The following ATRNL1 variants were observed in gnomAD, a reference collection of about 807,000 sequenced individuals.
ATRNL1 encodes the protein attractin-like protein 1.
In ATRNL1, 95 loss-of-function variants were observed where a neutral mutation model predicts 182.7. That is an observed-to-expected ratio of 0.52 (90% CI 0.44 to 0.62). The LOEUF (loss-of-function observed/expected upper bound fraction) is 0.62. Ranked by LOEUF, ATRNL1 falls within the 20% of genes least tolerant of loss-of-function variation. The pLI is 0.00. For missense variants in ATRNL1, 1,471 were observed against 1,679.5 expected, an observed-to-expected ratio of 0.88 and a Z score of 2.17; for synonymous variants, 576 against 568.3, an observed-to-expected ratio of 1.01 and a Z score of -0.19.
chr10:115,352,679 C>T (rs1462767914), intron 19 of ATRNL1, among the ~76,000 whole-genome samples: 2 of 152,110 alleles, frequency 1.3e-5, no homozygotes, highest in Non-Finnish European at 2.9e-5. Flanking sequence ...AGCTGGATCA[C>T]CTGAGGTTGG....
At chr10:115,196,450 A>T (rs1465818613) in intron 8 of ATRNL1, among the ~76,000 whole-genome samples, 1 of 152,088 alleles carries the variant, frequency 6.6e-6, no homozygotes, top group Admixed American at 6.6e-5. Context: ...TTTAGAATCA[A>T]CTTGTCAATT....
chr10:115,488,984 C>T (rs1219176161), intron 24 of ATRNL1, among the ~76,000 whole-genome samples: 3 of 151,946 alleles, frequency 2.0e-5, no homozygotes, highest in Non-Finnish European at 4.4e-5. Flanking sequence ...TGTCATTTAC[C>T]CAGTAGTCAT....
At chr10:115,679,764 C>A (rs1289860429) in intron 26 of ATRNL1, among the ~76,000 whole-genome samples, 1 of 152,088 alleles carries the variant, frequency 6.6e-6, no homozygotes, top group Non-Finnish European at 1.5e-5. Context: ...AGCTATATTT[C>A]TTACTGTTTA....
rs1361045267 is a variant in ATRNL1, at chr10:115,947,554, G to A, written c.*2775G>A. The A allele has an allele frequency of 1.3e-5, 2 of 152,496 alleles. No individual in the cohort carries two copies. Among genetic ancestry groups the A allele is most frequent in the Non-Finnish European group, 2.9e-5 (2 of 68,034 alleles). 9.4% of individuals were successfully genotyped at this position (152,496 alleles called of 1,614,324 possible). A position where few individuals can be genotyped will look rare whatever the true frequency, so the allele number is the denominator to read the frequency against. On this transcript the variant is annotated 3_prime_UTR_variant, in exon 29 of 29. Transcript: ENST00000355044. ...CAGCTAATAAATTTTAAGAGGATTA[G>A]GATTCTCATAATTCTTTAAATGAAA...
intron 9 of ATRNL1, 122 bp from the exon 10 acceptor site, chr10:115,241,449 G>C (rs970449924): frequency 8.2e-5 from 43 of 523,512 alleles, no homozygotes; most frequent in Non-Finnish European, 1.3e-4. Context: ...TAAAAAATAT[G>C]TTTTTTTCCC....
At chr10:115,240,197 G>C (rs781991855) in intron 9 of ATRNL1, among the ~76,000 whole-genome samples, 6 of 151,550 alleles carry the variant, frequency 4.0e-5, no homozygotes, top group Non-Finnish European at 7.4e-5. Flanking sequence ...TTCCTAGTGG[G>C]AGTGTTTGTG....
At chr10:115,324,751 T>C (rs1312587691) in intron 18 of ATRNL1, among the ~76,000 whole-genome samples, 1 of 152,240 alleles carries the variant, frequency 6.6e-6, no homozygotes, top group Non-Finnish European at 1.5e-5. Context: ...GATCATTTTA[T>C]GAACATGGTT....
chr10:115,901,269 CAATT>C (rs1354765771), intron 28 of ATRNL1, among the ~76,000 whole-genome samples: 1 of 151,966 alleles, frequency 6.6e-6, no homozygotes, highest in Non-Finnish European at 1.5e-5. Context: ...AAATATGTCT[CAATT>C]GATAAAATAT....
intron 25 of ATRNL1, among the ~76,000 whole-genome samples, chr10:115,533,932 C>A (rs1554989287): frequency 6.8e-6 from 1 of 148,016 alleles, no homozygotes; most frequent in Admixed American, 6.7e-5. Context: ...GTTTCTTAAT[C>A]CTGAGTTCTA....
intron 5 of ATRNL1, among the ~76,000 whole-genome samples, chr10:115,159,494 G>A (rs1821541053): frequency 6.6e-6 from 1 of 151,072 alleles, no homozygotes. Context: ...CTCCACTGAA[G>A]CAAACTTTGG....
At chr10:115,902,159 A>T (rs1416706167) in intron 28 of ATRNL1, among the ~76,000 whole-genome samples, 4 of 152,090 alleles carry the variant, frequency 2.6e-5, no homozygotes, top group African/African-American at 9.7e-5. Flanking sequence ...CTTGTCCTCC[A>T]TTAAATTGCG....
intron 17 of ATRNL1, among the ~76,000 whole-genome samples, chr10:115,310,351 T>C (rs992374240): frequency 1.3e-5 from 2 of 152,180 alleles, no homozygotes; most frequent in South Asian, 4.1e-4. Flanking sequence ...ACTGGCTTCA[T>C]AGAATGAGTT....
Position 115,558,065 on chromosome 10 carries a change from C to CAAA in ATRNL1, c.3795+8539_3795+8541dup, listed in dbSNP as rs113014620. 3.9e-3 allele frequency among the ~76,000 whole-genome samples: 571 copies of CAAA among 144,674 alleles called. 1 individual carries two copies. The highest frequency in any genetic ancestry group is 0.014 in the African/African-American group (548 of 39,600). The allele number at this position is 144,674 out of a possible 152,430, so 94.9% of individuals were successfully genotyped here. On this transcript the variant is annotated intron_variant, in intron 26 of 28. Coordinates refer to ENST00000355044, the MANE Select transcript of ATRNL1 (RefSeq NM_207303.4). ...TCTCAAAAACAAAAAAACAAAAAAA[C>CAAA]AAAAAAAAAAAACCATTTAAAATAC...
chr10:115,846,870 T>C (rs1950940747), intron 27 of ATRNL1, among the ~76,000 whole-genome samples: 1 of 152,140 alleles, frequency 6.6e-6, no homozygotes, highest in African/African-American at 2.4e-5. Flanking sequence ...ACTAGCTATA[T>C]GAATCTGAGC....
At chr10:115,681,892 A>G (rs1946057943) in intron 26 of ATRNL1, among the ~76,000 whole-genome samples, 1 of 152,176 alleles carries the variant, frequency 6.6e-6, no homozygotes, top group African/African-American at 2.4e-5. Flanking sequence ...GTGACATGTG[A>G]AAGAAATATA....
At chr10:115,339,181 G>C (rs1003335499) in intron 19 of ATRNL1, among the ~76,000 whole-genome samples, 3 of 151,970 alleles carry the variant, frequency 2.0e-5, no homozygotes, top group Non-Finnish European at 4.4e-5. Flanking sequence ...TTTTGCTTTG[G>C]ATAGCTTTGG....
intron 24 of ATRNL1, among the ~76,000 whole-genome samples, chr10:115,484,541 A>G (rs1296552722): frequency 6.6e-6 from 1 of 151,682 alleles, no homozygotes; most frequent in African/African-American, 2.4e-5. Flanking sequence ...TAAGTCATAC[A>G]ATTTTTAAGG....
At chr10:115,397,710 G>A (rs1211456760) in intron 20 of ATRNL1, among the ~76,000 whole-genome samples, 4 of 151,904 alleles carry the variant, frequency 2.6e-5, no homozygotes, top group African/African-American at 9.7e-5. Context: ...AAGGGGAAAT[G>A]CATCAATAAA....
chr10:115,172,253 C>T (rs1307114975), intron 8 of ATRNL1, among the ~76,000 whole-genome samples: 1 of 151,904 alleles, frequency 6.6e-6, no homozygotes, highest in African/African-American at 2.4e-5. Context: ...TTCTTATTGC[C>T]ATTTCCACTC....
Sources: gnomAD v4.1 joint callset for allele counts (sites outside exome capture counted in the v4.1 genomes callset) on GRCh38, gnomAD v4.1.1 for gene constraint, MANE v1.5 for transcripts, NCBI Gene and HGNC (gene_info 2026-07-23, HGNC 2026-07-21) for gene names.